Variants in TDRD12 observed in about 807,000 individuals in gnomAD.
TDRD12 encodes the protein putative ATP-dependent RNA helicase TDRD12.
In TDRD12, 158 loss-of-function variants were observed where a neutral mutation model predicts 133.5. The observed-to-expected ratio is 1.18, with a 90% CI of 1.04 to 1.35. TDRD12 has a LOEUF of 1.35. Among genes scored for constraint, TDRD12 ranks in the 40% most tolerant of loss-of-function variants. The pLI is 0.00. For missense variants in TDRD12, 1,443 were observed against 1,321.3 expected (o/e 1.09, Z -1.43); for synonymous variants, 460 against 477.9 (o/e 0.96, Z 0.49).
intron 21 of TDRD12, among the ~76,000 whole-genome samples, chr19:32,805,396 AAAG>A (rs1211226966): frequency 6.6e-6 from 1 of 151,354 alleles, no homozygotes; most frequent in Non-Finnish European, 1.5e-5. Flanking sequence ...AAAAAAGAAA[AAAG>A]AAAAAAAAAA....
In TDRD12 at chr19:32,826,676, TG is replaced by T; in HGVS notation, c.1049+79del. The T allele has an allele frequency of 8.2e-7, 1 of 1,213,134 alleles. No individual in the cohort carries two copies. Among genetic ancestry groups the T allele is most frequent in the Non-Finnish European group, 1.0e-6 (1 of 975,288 alleles). 75.1% of individuals were successfully genotyped at this position (1,213,134 alleles called of 1,614,324 possible). A position where few individuals can be genotyped will look rare whatever the true frequency, so the allele number is the denominator to read the frequency against. On this transcript the variant is annotated intron_variant, in intron 9 of 9. Transcript: ENST00000637289. ...ACGCGCTCACTGTCAGCTGTTCTCTTGAACAGAACCCCAACGTGGCTTTTGA... is the reference window on the plus strand; with the variant it reads ...ACGCGCTCACTGTCAGCTGTTCTCTTAACAGAACCCCAACGTGGCTTTTGA...
chr19:32,768,644 G>A (rs947166954), intron 8 of TDRD12, among the ~76,000 whole-genome samples: 7 of 151,970 alleles, frequency 4.6e-5, no homozygotes, highest in African/African-American at 1.7e-4. Context: ...GAGATTACAG[G>A]TGTGAGCCAC....
chr19:32,761,187 C>T lies in TDRD12; in HGVS notation c.865+4057C>T, dbSNP rs564892992. 2.0e-5 allele frequency among the ~76,000 whole-genome samples: 3 copies of T among 152,316 alleles called. No individual in the cohort carries two copies. The South Asian group carries it at 6.2e-4, about 32-fold the overall frequency. Reference sequence around the variant, plus strand: ...GCTGGAGTGCAGTGGCACATCTCAGCTCACTGCAAGCTCCACCTCCCAGGT... The same window carrying T: ...GCTGGAGTGCAGTGGCACATCTCAGTTCACTGCAAGCTCCACCTCCCAGGT... On this transcript the variant is annotated intron_variant, in intron 8 of 27. Coordinates refer to ENST00000444215, the Ensembl canonical transcript of TDRD12.
intron 13 of TDRD12, among the ~76,000 whole-genome samples, chr19:32,791,424 T>C (rs1355057571): frequency 6.6e-6 from 1 of 152,174 alleles, no homozygotes; most frequent in Non-Finnish European, 1.5e-5. Flanking sequence ...TTCAAAATTG[T>C]CTTACACACA....
At chr19:32,735,360 A>G (rs1969193204) in intron 2 of TDRD12, among the ~76,000 whole-genome samples, 1 of 152,258 alleles carries the variant, frequency 6.6e-6, no homozygotes, top group African/African-American at 2.4e-5. Context: ...ACCAGTTACT[A>G]CATTCCCTTC....
At chr19:32,821,473 G>T (rs944301824), downstream of TDRD12, among the ~76,000 whole-genome samples, 1 of 151,696 alleles carries the variant, frequency 6.6e-6, no homozygotes, top group Non-Finnish European at 1.5e-5. Context: ...TCTCCTGTCC[G>T]GAACCCTCCT....
chr19:32,826,864 C>G (rs1458424199), intron 9 of TDRD12, 115 bp downstream of exon 32: 3 of 643,764 alleles, frequency 4.7e-6, no homozygotes, highest in Non-Finnish European at 6.6e-6. Context: ...ATGTCAAGCC[C>G]TGAGAAATCA....
intron 8 of TDRD12, among the ~76,000 whole-genome samples, chr19:32,757,981 G>A (rs754874668): frequency 2.0e-5 from 3 of 152,184 alleles, no homozygotes; most frequent in Non-Finnish European, 4.4e-5. Context: ...CAGCCACTTT[G>A]CCAACTAGGG....
downstream of TDRD12, chr19:32,821,393 TGTGTGTGTGTGTGTGTGC>T (rs752554495): frequency 0.023 from 9,387 of 402,710 alleles, 5 homozygotes; most frequent in East Asian, 0.046. Context: ...TGTGTGTGTG[TGTGTGTGTGTGTGTGTGC>T]GTGTGAACCA....
chr19:32,744,517 A>AAC (rs1555763947), intron 4 of TDRD12, among the ~76,000 whole-genome samples: 1 of 149,464 alleles, frequency 6.7e-6, no homozygotes, highest in Non-Finnish European at 1.5e-5. Context: ...AAAAAAAAAA[A>AAC]AAAAAAACAA....
chr19:32,798,475 C>T (rs149824226), intron 16 of TDRD12, 40 bp downstream of exon 16: 304 of 1,475,420 alleles, frequency 2.1e-4, no homozygotes, highest in Non-Finnish European at 2.5e-4. Flanking sequence ...AGAAGAGAGG[C>T]GTGATTAACA....
intron 6 of TDRD12, among the ~76,000 whole-genome samples, chr19:32,753,411 C>T (rs747431985): frequency 1.5e-4 from 23 of 152,188 alleles, no homozygotes; most frequent in Non-Finnish European, 2.9e-4. Context: ...CTATGTTGTT[C>T]AGGCTGGCCT....
chr19:32,804,407 A>G (rs1333145231), intron 21 of TDRD12, among the ~76,000 whole-genome samples: 1 of 150,542 alleles, frequency 6.6e-6, no homozygotes, highest in East Asian at 2.0e-4. Flanking sequence ...ATATTTGCCT[A>G]TCTTGGCCAG....
Position 32,742,901 on chromosome 19 carries a change from G to A in TDRD12, c.440+1G>A. ...TCTGCCGAGACAGTACTGACATTGTGTAAGTACAGTTTCTTAAGTCCTTCG... is the reference window on the plus strand; with the variant it reads ...TCTGCCGAGACAGTACTGACATTGTATAAGTACAGTTTCTTAAGTCCTTCG... On this transcript the variant is annotated splice_donor_variant, in intron 4 of 27. Transcript: ENST00000444215. LOFTEE classifies it high-confidence loss of function. 6.4e-7 allele frequency: 1 copy of A among 1,550,728 alleles called. No individual in the cohort carries two copies. The highest frequency in any genetic ancestry group is 1.4e-5 in the African/African-American group (1 of 73,114).
chr19:32,795,665 AT>A (rs558957194), intron 14 of TDRD12, among the ~76,000 whole-genome samples: 10 of 152,192 alleles, frequency 6.6e-5, no homozygotes, highest in Non-Finnish European at 1.5e-4. Flanking sequence ...CTGTTCTAGC[AT>A]TGCTATAAAT....
rs548637690 is a variant in TDRD12 at position 32,801,424 on chromosome 19, A to G, written c.2080-332A>G. Among the ~76,000 whole-genome samples, 22 of 152,298 alleles carry G rather than the reference A, an allele frequency of 1.4e-4. No homozygotes were observed. The South Asian group carries it at 4.6e-3, about 32-fold the overall frequency. On this transcript the variant is annotated intron_variant, in intron 18 of 27. Transcript: ENST00000444215. ...TAGAAGTATAGTTATATGGTACTGT[A>G]GTCAACCAGGACTTTCTAGCTGATG...
downstream of TDRD12, among the ~76,000 whole-genome samples, chr19:32,821,663 C>T (rs1315321087): frequency 6.6e-6 from 1 of 152,186 alleles, no homozygotes; most frequent in Non-Finnish European, 1.5e-5. Flanking sequence ...TAGGCGTGAG[C>T]CACTGTGCCC....
At chr19:32,826,120 A>AG, downstream of TDRD12, 1 of 1,535,880 alleles carries the variant, frequency 6.5e-7, no homozygotes, top group Non-Finnish European at 8.7e-7. Context: ...GAAACACTGA[A>AG]GGTGCCTTCA....
At chr19:32,788,556 G>A (rs1037835016) in intron 11 of TDRD12, among the ~76,000 whole-genome samples, 1 of 151,962 alleles carries the variant, frequency 6.6e-6, no homozygotes, top group Non-Finnish European at 1.5e-5. Flanking sequence ...TCCTGTCCTC[G>A]TTTCACATAT....
Sources: gnomAD v4.1 joint callset for allele counts (sites outside exome capture counted in the v4.1 genomes callset) on GRCh38, gnomAD v4.1.1 for gene constraint, MANE v1.5 for transcripts, NCBI Gene and HGNC (gene_info 2026-07-23, HGNC 2026-07-21) for gene names.